The following RGPD2 variants were observed in gnomAD, a reference collection of about 807,000 sequenced individuals.
The protein encoded by RGPD2 is RANBP2 like and GRIP domain containing 2.
In RGPD2, 2 loss-of-function variants were observed where a neutral mutation model predicts 36.0. The ratio of observed to expected loss-of-function variants is 0.06; its 90% CI spans 0.02 to 0.17. The LOEUF is 0.17. Ranked by LOEUF, RGPD2 falls within the 10% of genes least tolerant of loss-of-function variation. The probability of loss-of-function intolerance (pLI) is 1.00; values close to 1 mark genes in which losing one functional copy is unlikely to be tolerated. For synonymous variants in RGPD2, 19 were observed against 163.8 expected (o/e 0.12, Z 6.75); for missense variants, 40 against 464.3 (o/e 0.09, Z 8.40).
At chr2:87,984,833 G>A in the RGPD2 span, among the ~76,000 whole-genome samples, 1 of 151,580 alleles carries the variant, frequency 6.6e-6, no homozygotes, top group East Asian at 1.9e-4. Flanking sequence ...GGGAGGCTGA[G>A]GCAGGAAAAT....
At chr2:87,972,096 G>A in the RGPD2 span, among the ~76,000 whole-genome samples, 1 of 152,098 alleles carries the variant, frequency 6.6e-6, no homozygotes, top group Non-Finnish European at 1.5e-5. Context: ...ATACTAACAT[G>A]CAATGAAAAG....
chr2:87,830,294 TG>T (rs1672451815), upstream of RGPD2, among the ~76,000 whole-genome samples: 1 of 152,118 alleles, frequency 6.6e-6, no homozygotes, highest in South Asian at 2.1e-4. Flanking sequence ...AACTTCTGCC[TG>T]GACATCCAGG....
chr2:87,976,271 T>C, the RGPD2 span, among the ~76,000 whole-genome samples: 3 of 152,078 alleles, frequency 2.0e-5, no homozygotes, highest in Non-Finnish European at 4.4e-5. Flanking sequence ...AAAAGGCATC[T>C]GCAATTTTTT....
chr2:87,960,216 C>A, the RGPD2 span, among the ~76,000 whole-genome samples: 3 of 151,358 alleles, frequency 2.0e-5, no homozygotes, highest in Non-Finnish European at 2.9e-5. Flanking sequence ...CTCACCAGCC[C>A]ATTATTATTA....
chr2:87,958,745 A>G, the RGPD2 span, among the ~76,000 whole-genome samples: 2 of 152,174 alleles, frequency 1.3e-5, no homozygotes, highest in Non-Finnish European at 2.9e-5. Flanking sequence ...CATTACTTCC[A>G]GTAGGTTATG....
At chr2:87,807,386 T>C (rs1378020249) in intron 6 of RGPD2, among the ~76,000 whole-genome samples, 6 of 127,192 alleles carry the variant, frequency 4.7e-5, no homozygotes, top group African/African-American at 1.8e-4. Flanking sequence ...AATTGTTTTT[T>C]TTTTTTTTTT....
rs771252838 is a variant in RGPD2, at chr2:87,771,383, GTTTTTTTTTTTTT to G, written c.5236+773_5236+785del. 6.2e-4 allele frequency: 14 copies of G among 22,722 alleles called. No individual in the cohort carries two copies. In the East Asian group the frequency reaches 6.9e-3, roughly 11 times the overall value. 1.4% of individuals were successfully genotyped at this position (22,722 alleles called of 1,614,324 possible). A position where few individuals can be genotyped will look rare whatever the true frequency, so the allele number is the denominator to read the frequency against. On this transcript the variant is annotated intron_variant, in intron 22 of 22. Coordinates refer to ENST00000398146, the MANE Select transcript of RGPD2 (RefSeq NM_001078170.3). ...GGAAACCAACTCTAACTACATCATA[GTTTTTTTTTTTTT>G]TTTTTTTTTTTTTTTTTTTGAGATG...
chr2:87,960,118 T>G, the RGPD2 span, among the ~76,000 whole-genome samples: 3 of 148,152 alleles, frequency 2.0e-5, no homozygotes, highest in Non-Finnish European at 4.5e-5. Flanking sequence ...AACATAGTCG[T>G]GTTTGTCTCC....
the RGPD2 span, among the ~76,000 whole-genome samples, chr2:87,923,127 T>C: frequency 6.6e-6 from 1 of 151,932 alleles, no homozygotes; most frequent in Non-Finnish European, 1.5e-5. Flanking sequence ...GCATATCCTC[T>C]GCTTCCTACT....
chr2:87,944,014 A>G, the RGPD2 span, among the ~76,000 whole-genome samples: 1 of 152,006 alleles, frequency 6.6e-6, no homozygotes, highest in South Asian at 2.1e-4. Flanking sequence ...TTTGTCTACT[A>G]TAGCTTTGTC....
chr2:87,857,382 G>A, the RGPD2 span, among the ~76,000 whole-genome samples: 2 of 150,822 alleles, frequency 1.3e-5, no homozygotes, highest in Admixed American at 6.6e-5. Flanking sequence ...TCGCTCTGTT[G>A]CCCAGGCTGG....
chr2:87,919,240 T>C, the RGPD2 span, among the ~76,000 whole-genome samples: 1 of 151,986 alleles, frequency 6.6e-6, no homozygotes, highest in African/African-American at 2.4e-5. Flanking sequence ...TTCTGTGTGC[T>C]GGGGAAAGTT....
chr2:87,922,932 TA>T, the RGPD2 span, among the ~76,000 whole-genome samples: 1 of 152,176 alleles, frequency 6.6e-6, no homozygotes, highest in Non-Finnish European at 1.5e-5. Flanking sequence ...TGTTTCTTTT[TA>T]TCTTTTTTTC....
At chr2:87,898,749 CTTCCGCCATGA>C in the RGPD2 span, among the ~76,000 whole-genome samples, 1 of 135,056 alleles carries the variant, frequency 7.4e-6, no homozygotes, top group South Asian at 2.6e-4. Flanking sequence ...AAAGAGGTGA[CTTCCGCCATGA>C]TTGGAAGTTT....
the RGPD2 span, among the ~76,000 whole-genome samples, chr2:87,868,869 G>A: frequency 6.6e-6 from 1 of 151,978 alleles, no homozygotes; most frequent in African/African-American, 2.4e-5. Context: ...TTTTCAGTAT[G>A]CCACTCATCA....
the RGPD2 span, among the ~76,000 whole-genome samples, chr2:87,941,464 TTAATA>T: frequency 6.8e-6 from 1 of 147,712 alleles, no homozygotes; most frequent in African/African-American, 2.5e-5. Flanking sequence ...TTAAAAAAGA[TTAATA>T]TATAGAATTG....
intron 6 of RGPD2, among the ~76,000 whole-genome samples, chr2:87,809,519 A>G (rs540106874): frequency 9.1e-4 from 124 of 136,700 alleles, no homozygotes; most frequent in African/African-American, 3.2e-3. Flanking sequence ...ATACAAAAAA[A>G]TTAGCCGAGC....
chr2:87,834,815 A>T, the RGPD2 span, among the ~76,000 whole-genome samples: 1 of 152,000 alleles, frequency 6.6e-6, no homozygotes, highest in African/African-American at 2.4e-5. Flanking sequence ...TTTTTAAAAA[A>T]ATGGTTAAGT....
the RGPD2 span, among the ~76,000 whole-genome samples, chr2:87,917,042 C>A: frequency 6.6e-6 from 1 of 151,950 alleles, no homozygotes; most frequent in Admixed American, 6.6e-5. Context: ...ACGAAAGTGA[C>A]AAACTGACAC....
Sources: allele counts gnomAD v4.1 joint callset (sites outside exome capture counted in the v4.1 genomes callset), GRCh38; gene constraint gnomAD v4.1.1; transcripts MANE v1.5; gene names NCBI Gene and HGNC (gene_info 2026-07-23, HGNC 2026-07-21).